SERPIND1: variants seen among roughly 807,000 people sequenced by gnomAD.
SERPIND1 encodes the protein serpin family D member 1, also known as heparin cofactor 2.
SERPIND1 carries 34 observed loss-of-function variants against 35.0 expected under a neutral mutation model. The ratio of observed to expected loss-of-function variants is 0.97; its 90% CI spans 0.74 to 1.29. SERPIND1 has a LOEUF of 1.29. Ranked by LOEUF, SERPIND1 falls within the 50% of genes most tolerant of loss-of-function variation. The pLI is 0.00. For synonymous variants in SERPIND1, 236 were observed against 241.1 expected, an observed-to-expected ratio of 0.98 and a Z score of 0.19; for missense variants, 633 against 637.7, an observed-to-expected ratio of 0.99 and a Z score of 0.08.
In SERPIND1 at chr22:20,786,936, C is replaced by T. The variant is rs754454650; in HGVS notation, c.1370C>T (p.Thr457Met). The T allele has an allele frequency of 4.3e-6, 7 of 1,614,172 alleles. No individual in the cohort carries two copies. Among genetic ancestry groups the T allele is most frequent in the South Asian group, 1.1e-5 (1 of 91,084 alleles). ...EEGTQATTVT[T>M]VGFMPLSTQV... ...GGCACCCAAGCCACCACTGTGACCA[C>T]GGTGGGGTTCATGCCGCTGTCCACC... Residue 457 changes from threonine to methionine, a missense_variant, in exon 5 of 5, where the codon ACG becomes ATG. Coordinates refer to ENST00000215727, the MANE Select transcript of SERPIND1 (RefSeq NM_000185.4).
chr22:20,782,604 A>ACAT (rs1341633526), intron 2 of SERPIND1, among the ~76,000 whole-genome samples: 1 of 152,202 alleles, frequency 6.6e-6, no homozygotes, highest in Non-Finnish European at 1.5e-5. Flanking sequence ...ATCCCAAGAG[A>ACAT]CATGGGACAG....
chr22:20,781,910 G>T (rs1190613736), intron 2 of SERPIND1, among the ~76,000 whole-genome samples: 1 of 152,208 alleles, frequency 6.6e-6, no homozygotes, highest in Admixed American at 6.5e-5. Context: ...CACTCTGACA[G>T]GGCCGAGGGA....
In SERPIND1 at chr22:20,779,685, C is replaced by A; in HGVS notation, c.373C>A (p.Arg125Ser). 6.2e-7 allele frequency: 1 copy of A among 1,614,160 alleles called. No homozygotes were observed. The highest frequency in any genetic ancestry group is 8.5e-7 in the Non-Finnish European group (1 of 1,179,986). Reference sequence around the variant, plus strand: ...TTTTCATGGCAAGAGCCGGATCCAGCGTCTTAACATCCTCAACGCCAAGTT... The same window carrying A: ...TTTTCATGGCAAGAGCCGGATCCAGAGTCTTAACATCCTCAACGCCAAGTT... The part of the protein sequence containing the change: ...QLFHGKSRIQ[R>S]LNILNAKFAF... Residue 125 changes from arginine (R) to serine (S), a missense_variant, in exon 2 of 5, where the codon CGT (arginine) becomes AGT (serine). Transcript: ENST00000215727.
intron 3 of SERPIND1, among the ~76,000 whole-genome samples, 165 bp from the exon 4 acceptor site, chr22:20,785,839 T>A (rs1379759053): frequency 6.6e-6 from 1 of 151,948 alleles, no homozygotes; most frequent in African/African-American, 2.4e-5. Flanking sequence ...TACAAAGGAG[T>A]GTGCTTCCTA....
chr22:20,779,592 G>C lies in SERPIND1; in HGVS notation c.280G>C (p.Asp94His), dbSNP rs753103932. The stretch of plus-strand genomic sequence containing the variant: ...ATTCAGTGAAGACGACGACTACATC[G>C]ACATCGTCGACAGTCTGTCAGTTTC... Reference protein sequence around the residue: ...KIFSEDDDYIDIVDSLSVSPT... With the variant: ...KIFSEDDDYIHIVDSLSVSPT... The change falls in exon 2 of 5, where the codon GAC becomes CAC. Residue 94 changes from aspartate to histidine, a missense_variant. Coordinates refer to ENST00000215727, the MANE Select transcript of SERPIND1 (RefSeq NM_000185.4). 6.2e-7 allele frequency: 1 copy of C among 1,614,040 alleles called. No individual in the cohort carries two copies. The highest frequency in any genetic ancestry group is 1.3e-5 in the African/African-American group (1 of 74,930).
chr22:20,777,631 C>T (rs892439527), intron 1 of SERPIND1, among the ~76,000 whole-genome samples: 1 of 152,168 alleles, frequency 6.6e-6, no homozygotes, highest in African/African-American at 2.4e-5. Context: ...GGATTATAGG[C>T]GTAAGCCACA....
intron 2 of SERPIND1, 109 bp downstream of exon 2, chr22:20,780,310 A>G (rs1290731365): frequency 2.0e-6 from 3 of 1,529,708 alleles, no homozygotes; most frequent in Non-Finnish European, 2.7e-6. Flanking sequence ...ATCCAGGAAA[A>G]CTAGACACAA....
chr22:20,784,422 TAG>T (rs760691388), intron 3 of SERPIND1, among the ~76,000 whole-genome samples, 177 bp downstream of exon 3: 12 of 152,106 alleles, frequency 7.9e-5, no homozygotes, highest in Non-Finnish European at 1.6e-4. Context: ...AAGAGATGAT[TAG>T]AGAGCATTCA....
chr22:20,778,552 C>A (rs985009242), intron 1 of SERPIND1, among the ~76,000 whole-genome samples: 4 of 152,178 alleles, frequency 2.6e-5, no homozygotes, highest in African/African-American at 9.6e-5. Context: ...AACAAAAAAA[C>A]AACGAATTAA....
rs369334872 is a variant in SERPIND1 at position 20,779,849 on chromosome 22, G to C, written c.537G>C (p.Ser179=). 1.2e-6 allele frequency: 2 copies of C among 1,614,168 alleles called. No homozygotes were observed. Among genetic ancestry groups the C allele is most frequent in the Non-Finnish European group, 1.7e-6 (2 of 1,180,026 alleles). The change falls in exon 2 of 5, where the codon TCG becomes TCC. Residue 179 remains serine (S), a synonymous_variant. Coordinates refer to ENST00000215727, the MANE Select transcript of SERPIND1 (RefSeq NM_000185.4). ...GAGAGACCCATGAACAAGTGCACTC[G>C]ATTTTGCATTTTAAAGACTTTGTTA... ...LKGETHEQVH[S]ILHFKDFVNA...
chr22:20,777,490 T>A (rs1415410981), intron 1 of SERPIND1, among the ~76,000 whole-genome samples: 1 of 152,170 alleles, frequency 6.6e-6, no homozygotes, highest in Non-Finnish European at 1.5e-5. Flanking sequence ...AGTGCTGGGA[T>A]TACTGACCTG....
intron 1 of SERPIND1, among the ~76,000 whole-genome samples, chr22:20,774,760 A>C (rs1353095918): frequency 3.6e-5 from 2 of 56,228 alleles, no homozygotes; most frequent in African/African-American, 1.9e-4. Context: ...GACTCCGTCA[A>C]AAAAAAAAAA....
At chr22:20,784,930 T>C (rs773533845) in intron 3 of SERPIND1, among the ~76,000 whole-genome samples, 9 of 152,132 alleles carry the variant, frequency 5.9e-5, no homozygotes, top group Admixed American at 1.3e-4. Context: ...CTGAGAAAAG[T>C]AGGCTCTCAG....
rs760147687 is a variant in SERPIND1 at position 20,784,223 on chromosome 22, T to C, written c.1141T>C (p.Trp381Arg). The change falls in exon 3 of 5, where the codon TGG (tryptophan) becomes CGG (arginine). Residue 381 changes from tryptophan to arginine, a missense_variant. Physicochemically the swap from Trp to Arg is moderately radical, Grantham distance 101. Coordinates refer to ENST00000215727, the MANE Select transcript of SERPIND1 (RefSeq NM_000185.4). ...AQLTPRVVER[W>R]QKSMTNRTRE... Reference sequence around the variant, plus strand: ...ACTGACACCCCGGGTGGTGGAGAGATGGCAAAAAAGCATGACAAACAGGTA... The same window carrying C: ...ACTGACACCCCGGGTGGTGGAGAGACGGCAAAAAAGCATGACAAACAGGTA... 6.2e-7 allele frequency: 1 copy of C among 1,614,102 alleles called. No individual in the cohort carries two copies. The highest frequency in any genetic ancestry group is 8.5e-7 in the Non-Finnish European group (1 of 1,179,996).
At position 20,781,530 on chromosome 22, in the gene SERPIND1, G is replaced by T. The variant is rs1481964459; in HGVS notation, c.889+1329G>T. ...AGGGGGCCAGAGCCCCTCCTGATCT[G>T]TCCACACACCTGCTCTGTGCCTTGG... On this transcript the variant is annotated intron_variant, in intron 2 of 4. Coordinates refer to ENST00000215727, the MANE Select transcript of SERPIND1 (RefSeq NM_000185.4). Among the ~76,000 whole-genome samples, 5 of 152,340 alleles carry T rather than the reference G, an allele frequency of 3.3e-5. No individual in the cohort carries two copies. The East Asian group carries it at 9.6e-4, about 29-fold the overall frequency.
chr22:20,780,127 G>A lies in SERPIND1; in HGVS notation c.815G>A (p.Gly272Asp). Residue 272 changes from glycine to aspartate, a missense_variant, in exon 2 of 5, where the codon GGC becomes GAC. Transcript: ENST00000215727. ...AACCACATCATGAAGCTCACCAAGG[G>A]CCTCATAAAAGATGCTCTGGAGAAT... Reference protein sequence around the residue: ...TNNHIMKLTKGLIKDALENID... With the variant: ...TNNHIMKLTKDLIKDALENID... The A allele has an allele frequency of 6.2e-7, 1 of 1,614,132 alleles. No individual in the cohort carries two copies. The highest frequency in any genetic ancestry group is 8.5e-7 in the Non-Finnish European group (1 of 1,180,026).
rs1934333277 is a variant in SERPIND1 at position 20,787,373 on chromosome 22, C to T, written c.*307C>T. Reference sequence around the variant, plus strand: ...AGCAGCGCGTCCTAAGCACCTCCCGCTCCGGTGACCCCATCCTTGCACACC... The same window carrying T: ...AGCAGCGCGTCCTAAGCACCTCCCGTTCCGGTGACCCCATCCTTGCACACC... On this transcript the variant is annotated 3_prime_UTR_variant, in exon 5 of 5. Transcript: ENST00000215727. 2.5e-6 allele frequency: 1 copy of T among 408,154 alleles called. No individual in the cohort carries two copies. The highest frequency in any genetic ancestry group is 4.6e-6 in the Non-Finnish European group (1 of 215,924). The allele number at this position is 408,154 out of a possible 1,614,324, so 25.3% of individuals were successfully genotyped here.
chr22:20,782,628 G>A (rs1338645878), intron 2 of SERPIND1, among the ~76,000 whole-genome samples: 3 of 152,186 alleles, frequency 2.0e-5, no homozygotes, highest in Non-Finnish European at 4.4e-5. Context: ...CATCCAAACT[G>A]AAAGGGCCGT....
At chr22:20,784,568 C>A (rs971738258) in intron 3 of SERPIND1, among the ~76,000 whole-genome samples, 3 of 152,152 alleles carry the variant, frequency 2.0e-5, no homozygotes, top group African/African-American at 7.2e-5. Flanking sequence ...TCCATTACTT[C>A]CCCGGGTCAC....
Sources: allele counts gnomAD v4.1 joint callset (sites outside exome capture counted in the v4.1 genomes callset), GRCh38; gene constraint gnomAD v4.1.1; transcripts MANE v1.5; gene names NCBI Gene and HGNC (gene_info 2026-07-23, HGNC 2026-07-21).